Variants in ZNF804A observed in about 807,000 individuals in gnomAD.
ZNF804A encodes the protein zinc finger protein 804A.
Under a neutral mutation model 16.5 loss-of-function variants are expected in ZNF804A, and 2 were observed. The observed-to-expected ratio is 0.12, with a 90% CI of 0.05 to 0.38. The LOEUF is 0.38. Among genes scored for constraint, ZNF804A ranks in the 10% least tolerant of loss-of-function variants. The pLI is 0.99. For missense variants in ZNF804A, 1,473 were observed against 1,390.7 expected, an observed-to-expected ratio of 1.06 and a Z score of -0.94; for synonymous variants, 534 against 489.6, an observed-to-expected ratio of 1.09 and a Z score of -1.20.
chr2:184,693,580 A>C (rs1692768181), intron 1 of ZNF804A, among the ~76,000 whole-genome samples: 1 of 152,176 alleles, frequency 6.6e-6, no homozygotes, highest in Non-Finnish European at 1.5e-5. Flanking sequence ...CAGGAGGAAA[A>C]TTCAATGTTA....
At position 184,933,636 on chromosome 2, in the gene ZNF804A, C is replaced by G; in HGVS notation, c.289C>G (p.Arg97Gly). 6.2e-7 allele frequency: 1 copy of G among 1,605,204 alleles called. No individual in the cohort carries two copies. Among genetic ancestry groups the G allele is most frequent in the African/African-American group, 1.3e-5 (1 of 74,206 alleles). The stretch of plus-strand genomic sequence containing the variant: ...GGAACTGAAACAAAGGGAATTTGCT[C>G]GAAATGTAGCATCTAAATCCAGGAA... Reference protein sequence around the residue: ...LKELKQREFARNVASKSRKDE... With the variant: ...LKELKQREFAGNVASKSRKDE... Residue 97 changes from arginine (R) to glycine (G), a missense_variant, in exon 3 of 4, where the codon CGA becomes GGA. By Grantham distance (125) the Arg-to-Gly change is moderately radical. Transcript: ENST00000302277.
intron 1 of ZNF804A, among the ~76,000 whole-genome samples, chr2:184,796,514 A>G (rs775766457): frequency 6.6e-6 from 1 of 152,038 alleles, no homozygotes; most frequent in Non-Finnish European, 1.5e-5. Flanking sequence ...TATGTGCATA[A>G]AAGTGTTCAT....
intron 1 of ZNF804A, among the ~76,000 whole-genome samples, chr2:184,799,034 G>T (rs983203106): frequency 6.6e-6 from 1 of 151,970 alleles, no homozygotes; most frequent in African/African-American, 2.4e-5. Flanking sequence ...AAGTCTCTCT[G>T]GTACCGCGGG....
intron 1 of ZNF804A, among the ~76,000 whole-genome samples, chr2:184,703,804 T>C (rs1389322628): frequency 6.6e-6 from 1 of 151,476 alleles, no homozygotes; most frequent in Non-Finnish European, 1.5e-5. Flanking sequence ...AGTATAGATA[T>C]GAGGCACATT....
At chr2:184,646,772 T>A (rs1246800022) in intron 1 of ZNF804A, among the ~76,000 whole-genome samples, 1 of 152,232 alleles carries the variant, frequency 6.6e-6, no homozygotes, top group Non-Finnish European at 1.5e-5. Flanking sequence ...ATTTCTCACC[T>A]CCGTGCCTAG....
chr2:184,741,772 A>G (rs1005613613), intron 1 of ZNF804A, among the ~76,000 whole-genome samples: 1 of 152,116 alleles, frequency 6.6e-6, no homozygotes, highest in Non-Finnish European at 1.5e-5. Flanking sequence ...CCATTCTTTT[A>G]AATAGTTAAT....
At chr2:184,867,208 T>C (rs1695889760) in intron 2 of ZNF804A, among the ~76,000 whole-genome samples, 1 of 152,118 alleles carries the variant, frequency 6.6e-6, no homozygotes, top group African/African-American at 2.4e-5. Context: ...CACTTTCTAA[T>C]ATGCCTTATA....
rs182882334 is a variant in ZNF804A, at chr2:184,870,186, T to A, written c.255+3674T>A. Among the ~76,000 whole-genome samples the A allele has an allele frequency of 1.2e-4, 19 of 152,134 alleles. No homozygotes were observed. In the East Asian group the frequency reaches 2.5e-3, roughly 20 times the overall value. ...TAGAATCAAAATTCATTTTGAGATT[T>A]TATATTTTATATTCTCCAGAGTAAA... On this transcript the variant is annotated intron_variant, in intron 2 of 3. Transcript: ENST00000302277.
intron 1 of ZNF804A, among the ~76,000 whole-genome samples, chr2:184,617,142 G>A (rs1032791863): frequency 6.6e-6 from 1 of 151,916 alleles, no homozygotes; most frequent in Non-Finnish European, 1.5e-5. Context: ...ATAGTTAAAG[G>A]ACATAATTTT....
chr2:184,816,121 C>T (rs1448035832), intron 1 of ZNF804A, among the ~76,000 whole-genome samples: 1 of 152,024 alleles, frequency 6.6e-6, no homozygotes. Flanking sequence ...ATAAAAGACT[C>T]CAGAGATTCC....
At chr2:184,650,437 A>C (rs1691962498) in intron 1 of ZNF804A, among the ~76,000 whole-genome samples, 2 of 152,154 alleles carry the variant, frequency 1.3e-5, no homozygotes, top group Admixed American at 1.3e-4. Context: ...CATATTCAGC[A>C]TGGTAGTGGA....
rs564585271 is a variant in ZNF804A at position 184,635,822 on chromosome 2, A to G, written c.111+36752A>G. ...TATAGGAAGTTATTTAAGATCATAG[A>G]CTTAGCATACACTCATTGACTAGTT... is the stretch of plus-strand genomic sequence containing the variant. On this transcript the variant is annotated intron_variant, in intron 1 of 3. Coordinates refer to ENST00000302277, the MANE Select transcript of ZNF804A (RefSeq NM_194250.2). Among the ~76,000 whole-genome samples, 42 of 152,250 alleles carry G rather than the reference A, an allele frequency of 2.8e-4. No homozygotes were observed. In the East Asian group the frequency reaches 7.5e-3, roughly 27 times the overall value.
intron 1 of ZNF804A, among the ~76,000 whole-genome samples, chr2:184,746,697 C>T (rs775756582): frequency 6.6e-6 from 1 of 151,194 alleles, no homozygotes; most frequent in Non-Finnish European, 1.5e-5. Flanking sequence ...TTTCCCCCTC[C>T]CCCATCACCC....
Position 184,681,165 on chromosome 2 carries a change from G to T in ZNF804A, c.111+82095G>T, listed in dbSNP as rs564564024. The stretch of plus-strand genomic sequence containing the variant: ...GGCTGCCTGGCTGAGTGGGTGGAAT[G>T]AGCCCAGTGGGCCCAGGCAAAACTC... On this transcript the variant is annotated intron_variant, in intron 1 of 3. Transcript: ENST00000302277. Among the ~76,000 whole-genome samples, 7 of 152,316 alleles carry T rather than the reference G, an allele frequency of 4.6e-5. No individual in the cohort carries two copies. In the South Asian group the frequency reaches 6.2e-4, roughly 14 times the overall value.
rs1254276060 is a variant in ZNF804A, at chr2:184,834,807, C to G, written c.112-31562C>G. ...TAGAAATATACATGCTTCAATTTCT[C>G]TGCATGTCAGTCTGGATGTCTCAGC... On this transcript the variant is annotated intron_variant, in intron 1 of 3. Transcript: ENST00000302277. Among the ~76,000 whole-genome samples, 61 of 152,132 alleles carry G rather than the reference C, an allele frequency of 4.0e-4. 1 individual carries two copies. Among genetic ancestry groups the G allele is most frequent in the Admixed American group, 4.0e-3 (61 of 15,246 alleles).
At chr2:184,923,229 T>A (rs1291842602) in intron 2 of ZNF804A, among the ~76,000 whole-genome samples, 1 of 151,992 alleles carries the variant, frequency 6.6e-6, no homozygotes, top group Non-Finnish European at 1.5e-5. Flanking sequence ...ATTTCTTACA[T>A]CAATGTTTTA....
chr2:184,774,156 G>T (rs1476416403), intron 1 of ZNF804A, among the ~76,000 whole-genome samples: 1 of 151,854 alleles, frequency 6.6e-6, no homozygotes, highest in Non-Finnish European at 1.5e-5. Flanking sequence ...TATGTATATA[G>T]TGTGGGGAAT....
chr2:184,637,451 A>C (rs1691719700), intron 1 of ZNF804A, among the ~76,000 whole-genome samples: 1 of 152,182 alleles, frequency 6.6e-6, no homozygotes, highest in Admixed American at 6.5e-5. Context: ...TTGCTGCAAA[A>C]GATGTTTTCT....
intron 1 of ZNF804A, among the ~76,000 whole-genome samples, chr2:184,605,753 G>A (rs1293333866): frequency 6.6e-6 from 1 of 152,022 alleles, no homozygotes; most frequent in African/African-American, 2.4e-5. Context: ...ATATATCCTA[G>A]GGGGATCTTA....
Sources: gnomAD v4.1 joint callset for allele counts (sites outside exome capture counted in the v4.1 genomes callset) on GRCh38, gnomAD v4.1.1 for gene constraint, MANE v1.5 for transcripts, NCBI Gene and HGNC (gene_info 2026-07-23, HGNC 2026-07-21) for gene names.